ATF7IP: variants seen among roughly 807,000 people sequenced by gnomAD.
ATF7IP encodes activating transcription factor 7-interacting protein 1.
In ATF7IP, 23 loss-of-function variants were observed where a neutral mutation model predicts 106.4. The ratio of observed to expected loss-of-function variants is 0.22; its 90% CI spans 0.16 to 0.31. The LOEUF (loss-of-function observed/expected upper bound fraction) is 0.31, where lower values mean the gene tolerates loss of function less well. ATF7IP is among the 10% of genes least tolerant of loss of function. The pLI, the probability that ATF7IP is intolerant of heterozygous loss-of-function variation, is 1.00. For synonymous variants in ATF7IP, 542 were observed against 539.0 expected (o/e 1.01, Z -0.08); for missense variants, 1,334 against 1,524.3 (o/e 0.88, Z 2.08).
chr12:14,470,226 A>C (rs1391903994), intron 10 of ATF7IP, among the ~76,000 whole-genome samples: 1 of 152,290 alleles, frequency 6.6e-6, no homozygotes, highest in African/African-American at 2.4e-5. Context: ...GTGCCTTTCA[A>C]GTATATTCTT....
At chr12:14,409,143 G>A (rs1360525602) in intron 1 of ATF7IP, among the ~76,000 whole-genome samples, 3 of 151,694 alleles carry the variant, frequency 2.0e-5, no homozygotes, top group Non-Finnish European at 2.9e-5. Context: ...CTAGATACTC[G>A]ATAAAAATGT....
intron 13 of ATF7IP, among the ~76,000 whole-genome samples, chr12:14,491,668 T>C (rs1205330028): frequency 6.6e-6 from 1 of 152,220 alleles, no homozygotes; most frequent in Non-Finnish European, 1.5e-5. Context: ...TGTTGCTGTC[T>C]TTGCCCACTG....
rs771279244 is a variant in ATF7IP, at chr12:14,497,669, G to A, written c.3409G>A (p.Val1137Met). 1.7e-5 allele frequency: 28 copies of A among 1,613,274 alleles called. No homozygotes were observed. The highest frequency in any genetic ancestry group is 6.7e-5 in the Admixed American group (4 of 59,964). ...PQVHTEPPRP[V>M]HPAPLPEAPQ... ...GTTTCTTCAGGAGCCCCCACGCCCC[G>A]TGCACCCAGCACCCTTACCAGAAGC... Residue 1137 changes from valine to methionine, a missense_variant, in exon 15 of 15, where the codon GTG (valine) becomes ATG (methionine). Val to Met is a conservative substitution (Grantham distance 21). Coordinates refer to ENST00000261168, the MANE Select transcript of ATF7IP (RefSeq NM_018179.5).
chr12:14,374,793 C>G (rs1227411223), intron 1 of ATF7IP, among the ~76,000 whole-genome samples: 3 of 152,164 alleles, frequency 2.0e-5, no homozygotes, highest in African/African-American at 7.2e-5. Context: ...ATGGCACCCA[C>G]ATAGTATGCC....
At position 14,431,457 on chromosome 12, in the gene ATF7IP, C is replaced by T. The variant is rs539894247; in HGVS notation, c.1559-2880C>T. Among the ~76,000 whole-genome samples the T allele has an allele frequency of 8.0e-5, 12 of 150,078 alleles. No homozygotes were observed. In the East Asian group the frequency reaches 2.2e-3, roughly 27 times the overall value. ...TCACCCAGGCTGGAGTGCAGTGGTGCGATATCGGCTCACTGCAAGCTCCGC... is the reference window on the plus strand; with the variant it reads ...TCACCCAGGCTGGAGTGCAGTGGTGTGATATCGGCTCACTGCAAGCTCCGC... On this transcript the variant is annotated intron_variant, in intron 2 of 14. Coordinates refer to ENST00000261168, the MANE Select transcript of ATF7IP (RefSeq NM_018179.5).
At chr12:14,458,960 T>TA (rs999044670) in intron 8 of ATF7IP, among the ~76,000 whole-genome samples, 11 of 152,328 alleles carry the variant, frequency 7.2e-5, no homozygotes, top group South Asian at 2.1e-4. Flanking sequence ...ATATTATTTT[T>TA]AAAAATTACA....
At chr12:14,467,104 A>G (rs1943862164) in intron 10 of ATF7IP, among the ~76,000 whole-genome samples, 1 of 151,808 alleles carries the variant, frequency 6.6e-6, no homozygotes, top group Non-Finnish European at 1.5e-5. Context: ...AATCTTAACC[A>G]CCCGGTAATA....
At chr12:14,428,589 A>C (rs966952616) in intron 2 of ATF7IP, among the ~76,000 whole-genome samples, 2 of 152,160 alleles carry the variant, frequency 1.3e-5, no homozygotes, top group Non-Finnish European at 2.9e-5. Flanking sequence ...TTTATTCTTG[A>C]CTAATTTTTA....
rs1941683933 is a variant in ATF7IP at position 14,423,985 on chromosome 12, CA to C, written c.71del (p.Gln24ArgfsTer14). On this transcript the variant is annotated frameshift_variant, in exon 2 of 15. Coordinates refer to ENST00000261168, the MANE Select transcript of ATF7IP (RefSeq NM_018179.5). LOFTEE classifies it high-confidence loss of function. ...ARKTMRVSDR[Q>X]QLEAVYKVKE... ...AAAAACGATGAGAGTGAGTGATCGT[CA>C]GCAACTTGAAGCAGTGTACAAGGTC... 6.2e-7 allele frequency: 1 copy of C among 1,613,954 alleles called. No individual in the cohort carries two copies. The highest frequency in any genetic ancestry group is 1.3e-5 in the African/African-American group (1 of 74,904).
intron 1 of ATF7IP, among the ~76,000 whole-genome samples, chr12:14,416,343 G>T (rs74418948): frequency 0.04 from 6,011 of 152,172 alleles, 185 homozygotes; most frequent in African/African-American, 0.089. Flanking sequence ...AAAAATGAAT[G>T]AAATTTTTAT....
intron 1 of ATF7IP, among the ~76,000 whole-genome samples, chr12:14,377,456 C>T (rs900989882): frequency 8.0e-5 from 12 of 150,894 alleles, no homozygotes; most frequent in African/African-American, 2.0e-4. Flanking sequence ...CCCAGGTTCA[C>T]GCCATTCTCC....
intron 14 of ATF7IP, among the ~76,000 whole-genome samples, chr12:14,496,678 C>T (rs529528887): frequency 9.9e-5 from 15 of 152,204 alleles, no homozygotes; most frequent in African/African-American, 3.1e-4. Context: ...TTTATTCTTT[C>T]GTTCTAAACT....
chr12:14,466,481 T>G, intron 9 of ATF7IP, 45 bp from the exon 10 acceptor site: 1 of 1,512,404 alleles, frequency 6.6e-7, no homozygotes, highest in Non-Finnish European at 9.1e-7. Context: ...CTTAACTTTT[T>G]ACATTTTGTA....
Position 14,499,176 on chromosome 12 carries a change from G to T in ATF7IP, c.*1103G>T, listed in dbSNP as rs749591173. 3 of 152,156 alleles carry T rather than the reference G, an allele frequency of 2.0e-5. No individual in the cohort carries two copies. Among genetic ancestry groups the T allele is most frequent in the African/African-American group, 4.8e-5 (2 of 41,420 alleles). 9.4% of individuals were successfully genotyped at this position (152,156 alleles called of 1,614,324 possible). Reference sequence around the variant, plus strand: ...AAGTGATTTTTAAACCAAGGTGTGTGTATGTACATGGATGTGTATGTACAC... The same window carrying T: ...AAGTGATTTTTAAACCAAGGTGTGTTTATGTACATGGATGTGTATGTACAC... On this transcript the variant is annotated 3_prime_UTR_variant, in exon 15 of 15. Coordinates refer to ENST00000261168, the MANE Select transcript of ATF7IP (RefSeq NM_018179.5).
At chr12:14,486,924 G>C (rs1385953099) in intron 13 of ATF7IP, among the ~76,000 whole-genome samples, 1 of 152,160 alleles carries the variant, frequency 6.6e-6, no homozygotes, top group East Asian at 1.9e-4. Flanking sequence ...GCAAGGCATT[G>C]GTCAAGGGTA....
chr12:14,436,795 TA>T (rs1418418367), intron 4 of ATF7IP, among the ~76,000 whole-genome samples: 11 of 148,150 alleles, frequency 7.4e-5, no homozygotes, highest in African/African-American at 1.8e-4. Flanking sequence ...TTTTTTTTTT[TA>T]AAAAAGGTTA....
Position 14,446,986 on chromosome 12 carries a change from A to G in ATF7IP, c.1930-2A>G. The stretch of plus-strand genomic sequence containing the variant: ...CATTTTTGTCTTTTTTTTTTTTTTC[A>G]GGCCAAGATAGCCAGGTTAACCAAA... On this transcript the variant is annotated splice_acceptor_variant, in intron 5 of 14. Coordinates refer to ENST00000261168, the MANE Select transcript of ATF7IP (RefSeq NM_018179.5). LOFTEE classifies it high-confidence loss of function. The G allele has an allele frequency of 1.5e-6, 2 of 1,324,080 alleles. No individual in the cohort carries two copies. Among genetic ancestry groups the G allele is most frequent in the Non-Finnish European group, 1.9e-6 (2 of 1,026,504 alleles). The allele number at this position is 1,324,080 out of a possible 1,614,324, so 82.0% of individuals were successfully genotyped here.
chr12:14,378,837 C>T (rs1290586560), intron 1 of ATF7IP, among the ~76,000 whole-genome samples: 2 of 152,074 alleles, frequency 1.3e-5, no homozygotes, highest in East Asian at 1.9e-4. Flanking sequence ...ATAGTTAAGA[C>T]GATTTGGTAC....
At chr12:14,406,859 T>C (rs1380079150) in intron 1 of ATF7IP, among the ~76,000 whole-genome samples, 1 of 152,142 alleles carries the variant, frequency 6.6e-6, no homozygotes, top group East Asian at 1.9e-4. Context: ...CCCAAAGTGC[T>C]AGGATTACAG....
Sources: allele counts gnomAD v4.1 joint callset (sites outside exome capture counted in the v4.1 genomes callset), GRCh38; gene constraint gnomAD v4.1.1; transcripts MANE v1.5; gene names NCBI Gene and HGNC (gene_info 2026-07-23, HGNC 2026-07-21).